CIT: variants seen among roughly 807,000 people sequenced by gnomAD.
The protein encoded by CIT is citron Rho-interacting kinase.
Under a neutral mutation model 272.7 loss-of-function variants are expected in CIT, and 79 were observed. The observed-to-expected ratio is 0.29, with a 90% confidence interval of 0.24 to 0.35. CIT has a LOEUF of 0.35. CIT is among the 10% of genes least tolerant of loss of function. The pLI is 1.00. For missense variants in CIT, 1,909 were observed against 2,618.3 expected (o/e 0.73, Z 5.91); for synonymous variants, 948 against 995.6 (o/e 0.95, Z 0.90).
chr12:119,760,875 G>T, intron 20 of CIT, 64 bp downstream of exon 20: 1 of 1,008,680 alleles, frequency 9.9e-7, no homozygotes, highest in Non-Finnish European at 1.6e-6. Flanking sequence ...CTTATCAGGG[G>T]TGATTCTTGG....
Position 119,712,922 on chromosome 12 carries a change from A to G in CIT, c.4580-227T>C. 1.7e-6 allele frequency: 1 copy of G among 580,168 alleles called. No individual in the cohort carries two copies. The highest frequency in any genetic ancestry group is 3.1e-5 in the Admixed American group (1 of 31,866). 35.9% of individuals were successfully genotyped at this position (580,168 alleles called of 1,614,324 possible). A position where few individuals can be genotyped will look rare whatever the true frequency, so the allele number is the denominator to read the frequency against. On this transcript the variant is annotated intron_variant, in intron 35 of 47. Coordinates refer to ENST00000392521, the MANE Select transcript of CIT (RefSeq NM_001206999.2). This position sits in a 1 kb window ranked among gnomAD's most constrained non-coding sequence, Gnocchi z 5.2. The stretch of plus-strand genomic sequence containing the variant: ...TAGCACAGTCAAATTTCTGATGACG[A>G]TGCGGATTTATGGGTTAGTTGACTG...
chr12:119,780,149 T>C (rs394155), intron 13 of CIT, among the ~76,000 whole-genome samples: 68,282 of 152,014 alleles, frequency 0.45, 15,849 homozygotes, highest in Admixed American at 0.56. Flanking sequence ...CAAGTGACTT[T>C]TGTGTTACCC....
At chr12:119,741,765 C>T (rs1054525388) in intron 24 of CIT, among the ~76,000 whole-genome samples, 1 of 152,114 alleles carries the variant, frequency 6.6e-6, no homozygotes, top group Non-Finnish European at 1.5e-5. Context: ...TGAAAGGGGC[C>T]TATTTCAGTT....
At chr12:119,695,312 CA>C (rs951951885) in intron 46 of CIT, among the ~76,000 whole-genome samples, 1 of 152,012 alleles carries the variant, frequency 6.6e-6, no homozygotes, top group Non-Finnish European at 1.5e-5. Flanking sequence ...TGAAGCTCCC[CA>C]AAAAGCCCCA....
chr12:119,707,201 AAC>A (rs1286641919), intron 40 of CIT, among the ~76,000 whole-genome samples: 1 of 152,072 alleles, frequency 6.6e-6, no homozygotes, highest in Admixed American at 6.5e-5. Flanking sequence ...CGCACATGCA[AAC>A]ACACTTATTT....
intron 1 of CIT, among the ~76,000 whole-genome samples, chr12:119,876,638 A>G (rs1950856778): frequency 6.6e-6 from 1 of 152,224 alleles, no homozygotes; most frequent in African/African-American, 2.4e-5. Context: ...GTGTGGTCAA[A>G]TAAGACTTCA....
chr12:119,715,161 G>GC (rs1290212719), intron 32 of CIT, among the ~76,000 whole-genome samples: 2 of 152,208 alleles, frequency 1.3e-5, no homozygotes, highest in African/African-American at 4.8e-5. Context: ...CATGAGACAT[G>GC]CCTTTTGCCT....
chr12:119,725,241 C>CGT (rs1487554365), intron 28 of CIT, among the ~76,000 whole-genome samples: 1 of 151,708 alleles, frequency 6.6e-6, no homozygotes, highest in Non-Finnish European at 1.5e-5. Context: ...GGGCCAACAT[C>CGT]GTGAAACCTT....
At chr12:119,819,920 T>A (rs1008883190) in intron 9 of CIT, among the ~76,000 whole-genome samples, 2 of 152,184 alleles carry the variant, frequency 1.3e-5, no homozygotes, top group Non-Finnish European at 2.9e-5. Flanking sequence ...ACAGGAAAAT[T>A]TGCTAGGAGA....
chr12:119,785,214 GC>G, intron 10 of CIT, 149 bp from the exon 11 acceptor site: 1 of 824,356 alleles, frequency 1.2e-6, no homozygotes, highest in Non-Finnish European at 1.9e-6. Context: ...TCCCAAAGAT[GC>G]CCATGTCCTG....
At chr12:119,780,035 C>T (rs7969405) in intron 13 of CIT, among the ~76,000 whole-genome samples, 70,274 of 151,898 alleles carry the variant, frequency 0.46, 16,793 homozygotes, top group Admixed American at 0.57. Context: ...GAACTGCAGA[C>T]AGGTTTCAAG....
chr12:119,825,032 C>T lies in CIT; in HGVS notation c.957+133G>A, dbSNP rs548900574. ...AGCCAGGATGGTCTCGATCTCCTGA[C>T]CTCGTGATCCACCCACCTCGGCCTC... On this transcript the variant is annotated intron_variant, in intron 8 of 47. Transcript: ENST00000392521. 112 of 656,950 alleles carry T rather than the reference C, an allele frequency of 1.7e-4. No individual in the cohort carries two copies. In the African/African-American group the frequency reaches 1.9e-3, roughly 11 times the overall value. The allele number at this position is 656,950 out of a possible 1,614,324, so 40.7% of individuals were successfully genotyped here.
intron 3 of CIT, among the ~76,000 whole-genome samples, chr12:119,863,957 T>C (rs1170733630): frequency 6.6e-6 from 1 of 152,114 alleles, no homozygotes; most frequent in Non-Finnish European, 1.5e-5. Flanking sequence ...GATACCAGAT[T>C]CGCTGGCGCC....
At position 119,701,667 on chromosome 12, in the gene CIT, C is replaced by T. The variant is rs1451274404; in HGVS notation, c.5499G>A (p.Val1833=). 6.2e-7 allele frequency: 1 copy of T among 1,614,206 alleles called. No homozygotes were observed. Among genetic ancestry groups the T allele is most frequent in the African/African-American group, 1.3e-5 (1 of 75,046 alleles). ...SNSFPVSIVQ[V]NSAGQREEYL... is the part of the protein sequence containing the mutation. ...ACTCCTCTCGCTGCCCTGCGCTGTT[C>T]ACCTGCACGATTGAGACAGGGAAGC... is the stretch of plus-strand genomic sequence containing the variant. Residue 1833 remains valine, a synonymous_variant, in exon 43 of 48, where the codon GTG becomes GTA. Coordinates refer to ENST00000392521, the MANE Select transcript of CIT (RefSeq NM_001206999.2).
In CIT at chr12:119,693,988, A is replaced by G. The variant is rs567587768; in HGVS notation, c.5883-3534T>C. On this transcript the variant is annotated intron_variant, in intron 46 of 47. Coordinates refer to ENST00000392521, the MANE Select transcript of CIT (RefSeq NM_001206999.2). ...ATTTAGAAGGTAGACACACCTTATA[A>G]TAATCCAGAAGATTATCTTAGGTCA... 3.3e-5 allele frequency among the ~76,000 whole-genome samples: 5 copies of G among 152,354 alleles called. No individual in the cohort carries two copies. The South Asian group carries it at 8.3e-4, about 25-fold the overall frequency.
chr12:119,867,227 T>A (rs1950541734), intron 3 of CIT, among the ~76,000 whole-genome samples: 1 of 152,026 alleles, frequency 6.6e-6, no homozygotes, highest in Admixed American at 6.6e-5. Flanking sequence ...TCTCACTCAT[T>A]GCCCAAGCTG....
chr12:119,802,925 C>T (rs1024277158), intron 10 of CIT, among the ~76,000 whole-genome samples: 1 of 152,164 alleles, frequency 6.6e-6, no homozygotes, highest in Admixed American at 6.5e-5. Context: ...CACTCTCTCC[C>T]CTTTAAAGAA....
chr12:119,761,846 C>T (rs1961840269), intron 19 of CIT, among the ~76,000 whole-genome samples: 1 of 152,154 alleles, frequency 6.6e-6, no homozygotes, highest in African/African-American at 2.4e-5. Flanking sequence ...AATGGTATCA[C>T]CAATCGCCAA....
In CIT at chr12:119,804,591, G is replaced by A. The variant is rs1222867246; in HGVS notation, c.1112-1202C>T. ...AGCCCAGACTTCTTTTTAACTCCTC[G>A]TTTTCTGGACAAAGCTGGGTGCCAG... On this transcript the variant is annotated intron_variant, in intron 9 of 47. Coordinates refer to ENST00000392521, the MANE Select transcript of CIT (RefSeq NM_001206999.2). This position sits in a 1 kb window ranked among gnomAD's most constrained non-coding sequence, Gnocchi z 5.3. 1 of 636,966 alleles carries A rather than the reference G, an allele frequency of 1.6e-6. No homozygotes were observed. The highest frequency in any genetic ancestry group is 2.0e-5 in the African/African-American group (1 of 50,518). 39.5% of individuals were successfully genotyped at this position (636,966 alleles called of 1,614,324 possible). A position where few individuals can be genotyped will look rare whatever the true frequency, so the allele number is the denominator to read the frequency against.
Sources: allele counts gnomAD v4.1 joint callset (sites outside exome capture counted in the v4.1 genomes callset), GRCh38; gene constraint gnomAD v4.1.1; non-coding constraint Gnocchi (gnomAD v3.1); transcripts MANE v1.5; gene names NCBI Gene and HGNC (gene_info 2026-07-23, HGNC 2026-07-21).